The following TRAF3 variants were observed in gnomAD, a reference collection of about 807,000 sequenced individuals.
TRAF3 encodes TNF receptor-associated factor 3.
TRAF3 carries 13 observed loss-of-function variants against 62.3 expected under a neutral mutation model. The observed-to-expected ratio is 0.21, with a 90% CI of 0.14 to 0.33. The LOEUF is 0.33. TRAF3 is among the 10% of genes least tolerant of loss of function. The pLI, the probability that TRAF3 is intolerant of heterozygous loss-of-function variation, is 1.00. For missense variants in TRAF3, 440 were observed against 741.8 expected (o/e 0.59, Z 4.73); for synonymous variants, 269 against 283.4 (o/e 0.95, Z 0.51).
rs61309052 is a variant in TRAF3 at position 102,779,269 on chromosome 14, C to CTTTTTTTT, written c.-157+1616_-157+1623dup. On this transcript the variant is annotated intron_variant, in intron 1 of 11. Coordinates refer to ENST00000392745, the MANE Select transcript of TRAF3 (RefSeq NM_145725.3). Reference sequence around the variant, plus strand: ...GAGAGCTGGCCAGGGAGAATTCCAGCTTTTTTTTTTTTTTTTTTTTTTTTT... The same window carrying CTTTTTTTT: ...GAGAGCTGGCCAGGGAGAATTCCAGCTTTTTTTTTTTTTTTTTTTTTTTTTTTTTTTTT... Among the ~76,000 whole-genome samples the CTTTTTTTT allele has an allele frequency of 7.0e-4, 86 of 123,414 alleles. 7 individuals carry two copies. Among genetic ancestry groups the CTTTTTTTT allele is most frequent in the African/African-American group, 2.4e-3 (67 of 28,490 alleles). The allele number at this position is 123,414 out of a possible 152,430, so 81.0% of individuals were successfully genotyped here. A position where few individuals can be genotyped will look rare whatever the true frequency, so the allele number is the denominator to read the frequency against.
chr14:102,894,268 A>G (rs1175483522), intron 9 of TRAF3, among the ~76,000 whole-genome samples: 2 of 152,218 alleles, frequency 1.3e-5, no homozygotes, highest in Non-Finnish European at 2.9e-5. Context: ...CAGAGGTTGC[A>G]GTGAGCCAAG....
chr14:102,826,478 G>A lies in TRAF3; in HGVS notation c.-156-3856G>A, dbSNP rs903617187. On this transcript the variant is annotated intron_variant, in intron 1 of 11. Coordinates refer to ENST00000392745, the MANE Select transcript of TRAF3 (RefSeq NM_145725.3). This position sits in a 1 kb window ranked among gnomAD's most constrained non-coding sequence, Gnocchi z 4.6. Reference sequence around the variant, plus strand: ...TGGAGGTCGGGGGAGCTCAGGGAAAGGGCCTTGCTGCCAGGGGTGGGAAGG... The same window carrying A: ...TGGAGGTCGGGGGAGCTCAGGGAAAAGGCCTTGCTGCCAGGGGTGGGAAGG... 1.1e-4 allele frequency among the ~76,000 whole-genome samples: 17 copies of A among 152,198 alleles called. No homozygotes were observed. The highest frequency in any genetic ancestry group is 4.1e-4 in the African/African-American group (17 of 41,444).
intron 1 of TRAF3, among the ~76,000 whole-genome samples, chr14:102,801,196 A>G (rs952185535): frequency 6.6e-6 from 1 of 151,800 alleles, no homozygotes; most frequent in Non-Finnish European, 1.5e-5. Flanking sequence ...CTAGTCTCAG[A>G]CTCCTAGACT....
At chr14:102,901,962 G>A (rs145047808) in intron 10 of TRAF3, among the ~76,000 whole-genome samples, 64 of 152,338 alleles carry the variant, frequency 4.2e-4, no homozygotes, top group South Asian at 8.3e-4. Flanking sequence ...GCCATCACAA[G>A]CTGCTTGAAA....
At chr14:102,848,082 A>C (rs1335065394) in intron 2 of TRAF3, among the ~76,000 whole-genome samples, 4 of 152,150 alleles carry the variant, frequency 2.6e-5, no homozygotes, top group Non-Finnish European at 1.5e-5. Flanking sequence ...GACCTGCCTC[A>C]TGGAGTATTG....
rs369239424 is a variant in TRAF3 at position 102,826,297 on chromosome 14, C to T, written c.-156-4037C>T. On this transcript the variant is annotated intron_variant, in intron 1 of 11. Coordinates refer to ENST00000392745, the MANE Select transcript of TRAF3 (RefSeq NM_145725.3). This position sits in a 1 kb window ranked among gnomAD's most constrained non-coding sequence, Gnocchi z 4.6. ...CTCACAGAGGAACAAGTGAGTTGTG[C>T]GTGTGGAGCAGGTGGCTGACATGTG... Among the ~76,000 whole-genome samples, 11 of 152,084 alleles carry T rather than the reference C, an allele frequency of 7.2e-5. No individual in the cohort carries two copies. Among genetic ancestry groups the T allele is most frequent in the South Asian group, 2.1e-4 (1 of 4,828 alleles).
At chr14:102,901,498 C>T (rs1340875191) in intron 10 of TRAF3, among the ~76,000 whole-genome samples, 2 of 152,128 alleles carry the variant, frequency 1.3e-5, no homozygotes, top group African/African-American at 4.8e-5. Flanking sequence ...ACTAGAGGAG[C>T]CGTGTATTTG....
chr14:102,850,562 C>T (rs1886971650), intron 2 of TRAF3, among the ~76,000 whole-genome samples: 1 of 151,868 alleles, frequency 6.6e-6, no homozygotes, highest in Non-Finnish European at 1.5e-5. Flanking sequence ...GGCATGGTGG[C>T]ACACACCTGT....
At chr14:102,894,953 C>T in intron 9 of TRAF3, 2 of 365,792 alleles carry the variant, frequency 5.5e-6, no homozygotes, top group South Asian at 4.2e-5. Context: ...CCGTCTGCCT[C>T]AGCCTTCCAA....
intron 2 of TRAF3, among the ~76,000 whole-genome samples, chr14:102,858,414 A>C (rs577672025): frequency 1.5e-3 from 231 of 152,270 alleles, no homozygotes; most frequent in Non-Finnish European, 2.9e-3. Flanking sequence ...CGGCCTCCCA[A>C]AGTGCTGGGA....
At chr14:102,900,205 ACAGC>A (rs1308427952) in intron 10 of TRAF3, among the ~76,000 whole-genome samples, 1 of 135,460 alleles carries the variant, frequency 7.4e-6, no homozygotes, top group Non-Finnish European at 1.5e-5. Context: ...AAAAAAAAAG[ACAGC>A]CTAGGCCGGT....
At chr14:102,862,797 T>G (rs1034701007) in intron 2 of TRAF3, among the ~76,000 whole-genome samples, 1 of 152,298 alleles carries the variant, frequency 6.6e-6, no homozygotes. Flanking sequence ...TTTTCTTCAT[T>G]ATTTTTTCTT....
rs1890790053 is a variant in TRAF3, at chr14:102,910,156, G to A, written c.*4372G>A. ...GATTGGGCGGGTGCAGACTCCCCTT[G>A]CGGGCCCCTTGCTCAATCCCCGGCC... is the stretch of plus-strand genomic sequence containing the variant. On this transcript the variant is annotated 3_prime_UTR_variant, in exon 12 of 12. Transcript: ENST00000392745. The A allele has an allele frequency of 6.6e-6, 1 of 152,218 alleles. No homozygotes were observed. The highest frequency in any genetic ancestry group is 2.4e-5 in the African/African-American group (1 of 41,452). 9.4% of individuals were successfully genotyped at this position (152,218 alleles called of 1,614,324 possible). A position where few individuals can be genotyped will look rare whatever the true frequency, so the allele number is the denominator to read the frequency against.
intron 2 of TRAF3, 134 bp from the exon 3 acceptor site, chr14:102,870,051 T>C (rs1402818323): frequency 7.6e-6 from 8 of 1,051,512 alleles, no homozygotes; most frequent in African/African-American, 3.1e-5. Context: ...CCAACACATA[T>C]TAAAGTTGGG....
chr14:102,904,176 G>A (rs1410307172), intron 11 of TRAF3, among the ~76,000 whole-genome samples: 1 of 152,208 alleles, frequency 6.6e-6, no homozygotes, highest in African/African-American at 2.4e-5. Flanking sequence ...TTGACACACA[G>A]GCAGGTCAAC....
At chr14:102,876,778 C>T (rs1888686102) in intron 6 of TRAF3, 3 of 498,844 alleles carry the variant, frequency 6.0e-6, no homozygotes, top group South Asian at 6.0e-5. Context: ...CCGCTCAGCT[C>T]ACAGATAATC....
intron 1 of TRAF3, among the ~76,000 whole-genome samples, chr14:102,821,107 GT>G (rs1182160481): frequency 3.9e-5 from 6 of 152,146 alleles, no homozygotes; most frequent in Non-Finnish European, 7.4e-5. Context: ...ATCACTGTGT[GT>G]TCATTCCATT....
In TRAF3 at chr14:102,796,266, G is replaced by A. The variant is rs561930140; in HGVS notation, c.-157+18591G>A. Among the ~76,000 whole-genome samples, 8 of 152,330 alleles carry A rather than the reference G, an allele frequency of 5.3e-5. No homozygotes were observed. In the South Asian group the frequency reaches 8.3e-4, roughly 16 times the overall value. ...CAGCGTTCAAGAGCTTCCAAATGGC[G>A]GAACACGTGGAGGTTTCTGAGGATG... On this transcript the variant is annotated intron_variant, in intron 1 of 11. Coordinates refer to ENST00000392745, the MANE Select transcript of TRAF3 (RefSeq NM_145725.3).
intron 2 of TRAF3, among the ~76,000 whole-genome samples, chr14:102,854,800 T>TA (rs1566777038): frequency 9.3e-5 from 10 of 107,264 alleles, no homozygotes; most frequent in Non-Finnish European, 1.5e-4. Context: ...CGCACCTGGC[T>TA]GTTTTTTTTT....
Sources: gnomAD v4.1 joint callset for allele counts (sites outside exome capture counted in the v4.1 genomes callset) on GRCh38, gnomAD v4.1.1 for gene constraint, Gnocchi (gnomAD v3.1) non-coding constraint, MANE v1.5 for transcripts, NCBI Gene and HGNC (gene_info 2026-07-23, HGNC 2026-07-21) for gene names.